Variants in PGLYRP3 observed in about 807,000 individuals in gnomAD.
The protein encoded by PGLYRP3 is peptidoglycan recognition protein 3, also known as peptidoglycan recognition protein I alpha.
PGLYRP3 carries 39 observed loss-of-function variants against 36.0 expected under a neutral mutation model. That is an observed-to-expected ratio of 1.08 (90% CI 0.84 to 1.41). PGLYRP3 has a LOEUF of 1.41. PGLYRP3 is among the 40% of genes most tolerant of loss of function. The probability of loss-of-function intolerance (pLI) is 0.00; values close to 1 mark genes in which losing one functional copy is unlikely to be tolerated. For synonymous variants in PGLYRP3, 204 were observed against 172.8 expected (o/e 1.18, Z -1.42); for missense variants, 407 against 427.9 (o/e 0.95, Z 0.43).
chr1:153,301,083 C>G (rs1331001203), intron 6 of PGLYRP3, among the ~76,000 whole-genome samples: 1 of 152,078 alleles, frequency 6.6e-6, no homozygotes, highest in Non-Finnish European at 1.5e-5. Flanking sequence ...CCACACCCAG[C>G]TAATTATTTT....
intron 2 of PGLYRP3, among the ~76,000 whole-genome samples, chr1:153,309,062 G>GT (rs1330335048): frequency 2.6e-5 from 4 of 152,184 alleles, no homozygotes; most frequent in African/African-American, 9.6e-5. Context: ...ACAGATTATT[G>GT]TGACCGCCTT....
chr1:153,307,218 G>A lies in PGLYRP3; in HGVS notation c.105C>T (p.Ala35=). Residue 35 remains alanine, a synonymous_variant, in exon 3 of 8, where the codon GCC becomes GCT. Transcript: ENST00000683862. ...CAGGCAGGGTCAGCAGGGCCCTGCA[G>A]GCGAGCGGTCTTGCCCCCCACTCCT... The part of the protein sequence containing the change: ...SRKEWGARPL[A]CRALLTLPVA... The A allele has an allele frequency of 6.2e-7, 1 of 1,611,358 alleles. No homozygotes were observed. Among genetic ancestry groups the A allele is most frequent in the Non-Finnish European group, 8.5e-7 (1 of 1,178,992 alleles).
chr1:153,308,025 C>T (rs1281575533), intron 2 of PGLYRP3, among the ~76,000 whole-genome samples: 1 of 150,358 alleles, frequency 6.7e-6, no homozygotes, highest in Non-Finnish European at 1.5e-5. Context: ...AATGGAGTCT[C>T]GCGCTGTCAC....
At chr1:153,306,714 C>T (rs554335757) in intron 3 of PGLYRP3, among the ~76,000 whole-genome samples, 35 of 152,282 alleles carry the variant, frequency 2.3e-4, no homozygotes, top group African/African-American at 7.9e-4. Context: ...GGTAGGAACC[C>T]ATTTCTCAGA....
chr1:153,304,894 G>A (rs980207423), intron 4 of PGLYRP3, 53 bp downstream of exon 4: 83 of 1,348,628 alleles, frequency 6.2e-5, no homozygotes, highest in Non-Finnish European at 8.2e-5. Flanking sequence ...GGGAGTGGAG[G>A]AAGAGAGTGT....
chr1:153,298,000 C>G lies in PGLYRP3; in HGVS notation c.982G>C (p.Ala328Pro), dbSNP rs1276021942. The G allele has an allele frequency of 1.2e-6, 2 of 1,613,610 alleles. No individual in the cohort carries two copies. The highest frequency in any genetic ancestry group is 1.7e-6 in the Non-Finnish European group (2 of 1,179,922). ...CAGGTGCTGATGATGTTATACAAAG[C>G]CTGCCCAGGGGACAGGATGTTGACC... ...DVVNILSPGQ[A>P]LYNIISTWPH... Residue 328 changes from alanine to proline, a missense_variant, in exon 8 of 8, where the codon GCT (alanine) becomes CCT (proline). Transcript: ENST00000683862.
At chr1:153,304,888 G>A (rs1659696082) in intron 4 of PGLYRP3, 59 bp downstream of exon 4, 2 of 1,283,502 alleles carry the variant, frequency 1.6e-6, no homozygotes, top group Non-Finnish European at 2.2e-6. Context: ...ACCCTTGGGA[G>A]TGGAGGAAGA....
In PGLYRP3 at chr1:153,305,085, G is replaced by T. The variant is rs191209099; in HGVS notation, c.258-20C>A. On this transcript the variant is annotated intron_variant, in intron 3 of 7. Transcript: ENST00000683862. ...AGGAAGCTGACAAGAAGGAAATAAT[G>T]ATTTTACTGCAAATCTCCATAAATG... is the stretch of plus-strand genomic sequence containing the variant. The T allele has an allele frequency of 6.9e-6, 11 of 1,585,234 alleles. No individual in the cohort carries two copies. In the East Asian group the frequency reaches 2.3e-4, roughly 32 times the overall value.
chr1:153,297,954 C>A lies in PGLYRP3; in HGVS notation c.*2G>T. On this transcript the variant is annotated 3_prime_UTR_variant, in exon 8 of 8. Transcript: ENST00000683862. ...GCAGTCTCAAAGGGAGTGGGGCCTC[C>A]TTCAGTGCTTGAAATGAGGCCAGGT... 3 of 1,613,570 alleles carry A rather than the reference C, an allele frequency of 1.9e-6. No individual in the cohort carries two copies. The highest frequency in any genetic ancestry group is 2.5e-6 in the Non-Finnish European group (3 of 1,179,716).
chr1:153,308,330 C>T (rs754534381), intron 2 of PGLYRP3, among the ~76,000 whole-genome samples: 1 of 152,104 alleles, frequency 6.6e-6, no homozygotes, highest in Non-Finnish European at 1.5e-5. Flanking sequence ...TCTTCTTTTT[C>T]TCTCCTTAGG....
chr1:153,308,141 CATGCCACT>C (rs1295668106), intron 2 of PGLYRP3, among the ~76,000 whole-genome samples: 1 of 152,100 alleles, frequency 6.6e-6, no homozygotes, highest in East Asian at 1.9e-4. Flanking sequence ...ATTACAGGTG[CATGCCACT>C]ATGCCAAACT....
At chr1:153,310,736 C>G (rs1369351373) in intron 1 of PGLYRP3, 30 bp from the exon 2 acceptor site, 2 of 1,356,420 alleles carry the variant, frequency 1.5e-6, no homozygotes, top group Non-Finnish European at 2.1e-6. Context: ...TTAACACAAC[C>G]ATGCTAACTC....
Position 153,300,785 on chromosome 1 carries a change from CT to C in PGLYRP3, c.729-1555del, listed in dbSNP as rs936619905. Among the ~76,000 whole-genome samples the C allele has an allele frequency of 4.6e-5, 7 of 152,364 alleles. No homozygotes were observed. In the South Asian group the frequency reaches 6.2e-4, roughly 14 times the overall value. On this transcript the variant is annotated intron_variant, in intron 6 of 7. Transcript: ENST00000683862. The stretch of plus-strand genomic sequence containing the variant: ...CCTTTATTTCAAAACAAACTTTTGC[CT>C]TTTGCCTTTAAAAGCTTCCCCTAGC...
intron 6 of PGLYRP3, among the ~76,000 whole-genome samples, chr1:153,300,371 T>C (rs1039386384): frequency 6.6e-6 from 1 of 152,238 alleles, no homozygotes; most frequent in Non-Finnish European, 1.5e-5. Context: ...TCATATACAT[T>C]ATCCTGTTCT....
chr1:153,308,177 G>A (rs1048230782), intron 2 of PGLYRP3, among the ~76,000 whole-genome samples: 2 of 152,052 alleles, frequency 1.3e-5, no homozygotes, highest in African/African-American at 4.8e-5. Flanking sequence ...TGTATTTTTA[G>A]TAGAGACAGG....
At chr1:153,307,037 G>C (rs749693720) in intron 3 of PGLYRP3, 29 bp downstream of exon 3, 1 of 1,605,906 alleles carries the variant, frequency 6.2e-7, no homozygotes, top group South Asian at 1.1e-5. Context: ...CTTTGGATGT[G>C]GGCCTCAGGG....
At chr1:153,301,069 G>T (rs188568481) in intron 6 of PGLYRP3, among the ~76,000 whole-genome samples, 1 of 152,204 alleles carries the variant, frequency 6.6e-6, no homozygotes, top group African/African-American at 2.4e-5. Context: ...AGGTATACAT[G>T]TCACCACACC....
chr1:153,307,031 G>T (rs1331553241), intron 3 of PGLYRP3, 35 bp downstream of exon 3: 1 of 1,601,266 alleles, frequency 6.2e-7, no homozygotes, highest in Admixed American at 1.7e-5. Context: ...CCGTGACTTT[G>T]GATGTGGGCC....
At chr1:153,312,294 A>G (rs1015684664) in intron 1 of PGLYRP3, among the ~76,000 whole-genome samples, 1 of 152,178 alleles carries the variant, frequency 6.6e-6, no homozygotes, top group Non-Finnish European at 1.5e-5. Flanking sequence ...CTTGGCTCAC[A>G]TTGCTGTGCA....
Sources: gnomAD v4.1 joint callset for allele counts (sites outside exome capture counted in the v4.1 genomes callset) on GRCh38, gnomAD v4.1.1 for gene constraint, MANE v1.5 for transcripts, NCBI Gene and HGNC (gene_info 2026-07-23, HGNC 2026-07-21) for gene names.